Variants in ABCC12 observed in about 807,000 individuals in gnomAD.
ABCC12 encodes the protein ATP binding cassette subfamily C member 12, also known as ATP-binding cassette sub-family C member 12.
A neutral mutation model predicts 151.1 loss-of-function variants in ABCC12; 142 were observed. The observed-to-expected ratio is 0.94, with a 90% confidence interval of 0.82 to 1.08. The LOEUF (loss-of-function observed/expected upper bound fraction) is 1.08, where lower values mean the gene tolerates loss of function less well. Among genes scored for constraint, ABCC12 ranks in the 50% least tolerant of loss-of-function variants. The pLI is 0.00. For synonymous variants in ABCC12, 645 were observed against 646.4 expected (o/e 1.00, Z 0.03); for missense variants, 1,638 against 1,691.1 (o/e 0.97, Z 0.55).
chr16:48,104,487 G>C (rs1963418546), intron 21 of ABCC12, 119 bp from the exon 22 acceptor site: 1 of 823,054 alleles, frequency 1.2e-6, no homozygotes, highest in Non-Finnish European at 1.9e-6. Context: ...GCACAACACA[G>C]TGTGTCAGGT....
rs367983629 is a variant in ABCC12 at position 48,110,155 on chromosome 16, T to C, written c.2281+1281A>G. 3.3e-5 allele frequency among the ~76,000 whole-genome samples: 5 copies of C among 152,354 alleles called. No homozygotes were observed. The South Asian group carries it at 8.3e-4, about 25-fold the overall frequency. On this transcript the variant is annotated intron_variant, in intron 18 of 30. Transcript: ENST00000311303. The stretch of plus-strand genomic sequence containing the variant: ...GGAAGCCTCTGGAACTGTAAAACTA[T>C]GTTGCCTTTCCAAATGTGCGTGCAT...
chr16:48,117,267 C>T lies in ABCC12; in HGVS notation c.1779G>A (p.Leu593=). 2.5e-6 allele frequency: 4 copies of T among 1,613,670 alleles called. No homozygotes were observed. The highest frequency in any genetic ancestry group is 3.4e-6 in the Non-Finnish European group (4 of 1,179,832). The change falls in exon 14 of 31, where the codon CTG becomes CTA. Residue 593 remains leucine, a synonymous_variant. Coordinates refer to ENST00000311303, the MANE Select transcript of ABCC12 (RefSeq NM_001393797.1). ...KDLSNLPYGD[L]TEIGERGLNL... ...CGCTCCCAGCCCCGCTCACCTCAGT[C>T]AGGTCTCCATAGGGGAGGTTGCTCA...
chr16:48,148,502 T>C (rs1965071952), intron 2 of ABCC12, among the ~76,000 whole-genome samples: 1 of 152,148 alleles, frequency 6.6e-6, no homozygotes, highest in South Asian at 2.1e-4. Context: ...CTCCCAAAAG[T>C]GCTGGGATTA....
chr16:48,098,062 G>T (rs1294531172), intron 23 of ABCC12, among the ~76,000 whole-genome samples: 1 of 150,592 alleles, frequency 6.6e-6, no homozygotes, highest in African/African-American at 2.5e-5. Context: ...CAGAGCAGGT[G>T]CTTCTCAATT....
Position 48,143,913 on chromosome 16 carries a change from T to G in ABCC12, c.272A>C (p.Lys91Thr), listed in dbSNP as rs563965476. 6.2e-7 allele frequency: 1 copy of G among 1,613,184 alleles called. No individual in the cohort carries two copies. The highest frequency in any genetic ancestry group is 1.7e-5 in the Admixed American group (1 of 59,944). ...TGACCCAAGCAAATCCTGGTACCTT[T>G]TGGCATTGGTGTCAGATGAGTCATA... ...STYDSSDTNA[K>T]RFRVLWDEEV... The change falls in exon 4 of 31, where the codon AAA (lysine) becomes ACA (threonine). Residue 91 changes from lysine to threonine, a missense_variant. Lys to Thr is a moderately conservative substitution (Grantham distance 78). Coordinates refer to ENST00000311303, the MANE Select transcript of ABCC12 (RefSeq NM_001393797.1).
chr16:48,107,452 G>C (rs560559602), intron 19 of ABCC12, 27 bp from the exon 20 acceptor site: 4 of 1,600,174 alleles, frequency 2.5e-6, no homozygotes, highest in East Asian at 2.2e-5. Context: ...GAGGCCCAAG[G>C]GGCTGCAGAC....
intron 15 of ABCC12, among the ~76,000 whole-genome samples, chr16:48,113,181 G>A (rs922343813): frequency 1.3e-5 from 2 of 152,160 alleles, no homozygotes; most frequent in African/African-American, 2.4e-5. Context: ...AGCTGTGTTC[G>A]GTCATTGTAC....
intron 13 of ABCC12, among the ~76,000 whole-genome samples, chr16:48,118,598 T>C (rs544583733): frequency 3.3e-5 from 5 of 152,336 alleles, no homozygotes; most frequent in South Asian, 4.1e-4. Flanking sequence ...CGAGTAACAA[T>C]GGGCAGGCCT....
At chr16:48,136,534 G>C (rs1414278993) in intron 8 of ABCC12, among the ~76,000 whole-genome samples, 1 of 152,210 alleles carries the variant, frequency 6.6e-6, no homozygotes, top group Admixed American at 6.5e-5. Flanking sequence ...GGAGAATAGA[G>C]GAGTGAACAG....
chr16:48,124,497 C>T (rs1964176347), intron 11 of ABCC12, among the ~76,000 whole-genome samples: 1 of 152,214 alleles, frequency 6.6e-6, no homozygotes, highest in African/African-American at 2.4e-5. Flanking sequence ...TAAGTGCTTT[C>T]CCTTGTGTGG....
At chr16:48,142,585 G>A (rs16945880) in intron 4 of ABCC12, among the ~76,000 whole-genome samples, 4,958 of 152,184 alleles carry the variant, frequency 0.033, 252 homozygotes, top group African/African-American at 0.11. Flanking sequence ...AGATTTCTTC[G>A]GGGCACAGAT....
chr16:48,114,585 C>G (rs189529617), intron 15 of ABCC12, among the ~76,000 whole-genome samples: 14 of 152,280 alleles, frequency 9.2e-5, no homozygotes, highest in Admixed American at 4.6e-4. Context: ...AATCTCTCGT[C>G]GGGCAAGGAG....
In ABCC12 at chr16:48,081,327, G is replaced by T. The variant is rs1167841598; in HGVS notation, c.*2388C>A. Among the ~76,000 whole-genome samples the T allele has an allele frequency of 6.6e-6, 1 of 152,154 alleles. No homozygotes were observed. Among genetic ancestry groups the T allele is most frequent in the South Asian group, 2.1e-4 (1 of 4,822 alleles). ...CATGGCAGTGATAGCAAGGGGTTGG[G>T]GTGGGAGAGGGGTTTGCTAAGATGG... On this transcript the variant is annotated 3_prime_UTR_variant, in exon 31 of 31. Transcript: ENST00000311303.
chr16:48,117,438 G>C (rs986513575), intron 13 of ABCC12, 105 bp from the exon 14 acceptor site: 1 of 1,242,080 alleles, frequency 8.1e-7, no homozygotes, highest in African/African-American at 1.5e-5. Context: ...CAAGGCCAGG[G>C]GTGGCGGCTG....
At chr16:48,125,636 C>T (rs1000898436) in intron 11 of ABCC12, among the ~76,000 whole-genome samples, 1 of 152,216 alleles carries the variant, frequency 6.6e-6, no homozygotes, top group African/African-American at 2.4e-5. Flanking sequence ...TATTGCAATA[C>T]TGCACTTGGA....
intron 13 of ABCC12, among the ~76,000 whole-genome samples, chr16:48,120,324 G>C (rs546161616): frequency 6.6e-6 from 1 of 152,162 alleles, no homozygotes; most frequent in Admixed American, 6.5e-5. Flanking sequence ...CAAAAGGATG[G>C]AGGATGAGAG....
At chr16:48,102,688 C>T (rs950754666) in intron 22 of ABCC12, among the ~76,000 whole-genome samples, 5 of 152,204 alleles carry the variant, frequency 3.3e-5, no homozygotes, top group African/African-American at 4.8e-5. Flanking sequence ...TTCCCACACC[C>T]GCATTTGCCA....
intron 2 of ABCC12, among the ~76,000 whole-genome samples, chr16:48,148,136 C>T (rs1162794761): frequency 6.6e-6 from 1 of 151,692 alleles, no homozygotes; most frequent in African/African-American, 2.4e-5. Flanking sequence ...TTAGTAGAGA[C>T]AGGGTTTTGC....
intron 8 of ABCC12, 54 bp from the exon 9 acceptor site, chr16:48,133,889 C>G (rs1964519601): frequency 6.2e-7 from 1 of 1,603,716 alleles, no homozygotes; most frequent in East Asian, 2.2e-5. Context: ...CGAACACTAG[C>G]ATTATGAAAT....
Sources: gnomAD v4.1 joint callset for allele counts (sites outside exome capture counted in the v4.1 genomes callset) on GRCh38, gnomAD v4.1.1 for gene constraint, MANE v1.5 for transcripts, NCBI Gene and HGNC (gene_info 2026-07-23, HGNC 2026-07-21) for gene names.